Variants in CELF4 observed in about 807,000 individuals in gnomAD.
The protein encoded by CELF4 is CUG-BP- and ETR-3-like factor 4.
CELF4 carries 18 observed loss-of-function variants against 59.9 expected under a neutral mutation model. The observed-to-expected ratio is 0.30, with a 90% CI of 0.21 to 0.45. CELF4 has a LOEUF of 0.45. Ranked by LOEUF, CELF4 falls within the 20% of genes least tolerant of loss-of-function variation. The pLI is 1.00. For synonymous variants in CELF4, 261 were observed against 267.1 expected (o/e 0.98, Z 0.22); for missense variants, 456 against 689.0 (o/e 0.66, Z 3.79).
At chr18:37,469,024 C>T (rs1271104552) in intron 2 of CELF4, among the ~76,000 whole-genome samples, 1 of 152,146 alleles carries the variant, frequency 6.6e-6, no homozygotes, top group Non-Finnish European at 1.5e-5. Flanking sequence ...AAAAGTGTAG[C>T]ACTCAGTTCC....
At chr18:37,307,967 A>T (rs1603432844) in intron 3 of CELF4, among the ~76,000 whole-genome samples, 2 of 152,110 alleles carry the variant, frequency 1.3e-5, no homozygotes, top group African/African-American at 4.8e-5. Flanking sequence ...CTGAGGATAG[A>T]CATGCGCCTG....
At chr18:37,296,324 C>A (rs2095637651) in intron 3 of CELF4, among the ~76,000 whole-genome samples, 1 of 152,174 alleles carries the variant, frequency 6.6e-6, no homozygotes, top group Non-Finnish European at 1.5e-5. Flanking sequence ...CCTGAGACCA[C>A]AGCTGGCATT....
chr18:37,540,343 CTCTCTT>C, intron 1 of CELF4, among the ~76,000 whole-genome samples: 1 of 152,384 alleles, frequency 6.6e-6, no homozygotes, highest in East Asian at 1.9e-4. Context: ...ACAGCAGCGT[CTCTCTT>C]TGTGTGTTGC....
chr18:37,378,791 G>A (rs906873885), intron 2 of CELF4, among the ~76,000 whole-genome samples: 4 of 152,172 alleles, frequency 2.6e-5, no homozygotes, highest in Non-Finnish European at 4.4e-5. Context: ...AGGAGTAGCT[G>A]TGGGGGTGCA....
chr18:37,285,859 C>T (rs1266821861), intron 3 of CELF4, among the ~76,000 whole-genome samples: 11 of 152,184 alleles, frequency 7.2e-5, no homozygotes, highest in Admixed American at 4.6e-4. Context: ...CCTTACCAGG[C>T]GCACGGCACA....
intron 10 of CELF4, among the ~76,000 whole-genome samples, chr18:37,262,218 G>A (rs902461780): frequency 2.0e-5 from 3 of 152,188 alleles, no homozygotes; most frequent in Admixed American, 6.5e-5. Flanking sequence ...CATGCTGTGC[G>A]GCTCTGTTGG....
At chr18:37,558,877 A>G (rs2099985710) in intron 1 of CELF4, among the ~76,000 whole-genome samples, 1 of 151,580 alleles carries the variant, frequency 6.6e-6, no homozygotes, top group Admixed American at 6.6e-5. Context: ...AGAGGCAGTG[A>G]GTAAGGTGGG....
chr18:37,451,487 ATG>A (rs1227122168), intron 2 of CELF4, among the ~76,000 whole-genome samples: 8 of 152,170 alleles, frequency 5.3e-5, no homozygotes, highest in African/African-American at 1.9e-4. Context: ...ACCCATGTGC[ATG>A]TGTGTCACTG....
intron 2 of CELF4, among the ~76,000 whole-genome samples, chr18:37,393,915 G>GA (rs67571579): frequency 0.23 from 32,908 of 141,706 alleles, 3,969 homozygotes; most frequent in African/African-American, 0.26. Flanking sequence ...AAGGCTAAGG[G>GA]AAAAAAAAAA....
chr18:37,437,116 TC>T (rs1265275789), intron 2 of CELF4, among the ~76,000 whole-genome samples: 39 of 152,072 alleles, frequency 2.6e-4, no homozygotes, highest in Non-Finnish European at 5.0e-4. Flanking sequence ...GGGGCCAGGC[TC>T]CCCAGTGGGT....
intron 10 of CELF4, among the ~76,000 whole-genome samples, chr18:37,263,668 G>A (rs1264992961): frequency 6.6e-6 from 1 of 152,002 alleles, no homozygotes; most frequent in Admixed American, 6.5e-5. Flanking sequence ...GACACTGACT[G>A]GCATTCCGAG....
chr18:37,545,310 A>T (rs2099980694), intron 1 of CELF4, among the ~76,000 whole-genome samples: 1 of 152,184 alleles, frequency 6.6e-6, no homozygotes, highest in Non-Finnish European at 1.5e-5. Flanking sequence ...CTGGGCAGGT[A>T]GGACTGGCCT....
At chr18:37,270,225 G>C (rs2090469048) in intron 8 of CELF4, among the ~76,000 whole-genome samples, 2 of 152,204 alleles carry the variant, frequency 1.3e-5, no homozygotes, top group South Asian at 4.1e-4. Context: ...AAGGTGCTGG[G>C]CTGTCTGTGG....
chr18:37,262,828 C>G (rs1600920241), intron 10 of CELF4, among the ~76,000 whole-genome samples: 2 of 152,144 alleles, frequency 1.3e-5, no homozygotes, highest in Admixed American at 1.3e-4. Context: ...AGGGCTGCAG[C>G]CTGATGAGGG....
chr18:37,486,529 A>G (rs1397976156), intron 1 of CELF4, among the ~76,000 whole-genome samples: 1 of 152,202 alleles, frequency 6.6e-6, no homozygotes, highest in Non-Finnish European at 1.5e-5. Flanking sequence ...GAGTTCCCAT[A>G]AGCTGTCCAG....
chr18:37,448,157 C>T (rs187913101), intron 2 of CELF4, among the ~76,000 whole-genome samples: 10 of 152,356 alleles, frequency 6.6e-5, no homozygotes, highest in Middle Eastern at 3.4e-3. Flanking sequence ...CTCAGTGGTG[C>T]TGACATCAGC....
At chr18:37,376,347 C>T (rs144750884) in intron 2 of CELF4, among the ~76,000 whole-genome samples, 33 of 152,282 alleles carry the variant, frequency 2.2e-4, no homozygotes, top group African/African-American at 6.7e-4. Context: ...TTCTGTAATC[C>T]GCTCCAAGCC....
At chr18:37,261,408 A>G (rs1165267878) in intron 10 of CELF4, among the ~76,000 whole-genome samples, 1 of 152,216 alleles carries the variant, frequency 6.6e-6, no homozygotes, top group Non-Finnish European at 1.5e-5. Flanking sequence ...GAGCCTTCAC[A>G]GACAGGGCCC....
chr18:37,293,506 C>A (rs2095468248), intron 3 of CELF4, among the ~76,000 whole-genome samples: 1 of 152,176 alleles, frequency 6.6e-6, no homozygotes, highest in African/African-American at 2.4e-5. Context: ...AGTATGACCT[C>A]ATTTTAACTT....
Sources: allele counts gnomAD v4.1 joint callset (sites outside exome capture counted in the v4.1 genomes callset), GRCh38; gene constraint gnomAD v4.1.1; transcripts MANE v1.5; gene names NCBI Gene and HGNC (gene_info 2026-07-23, HGNC 2026-07-21).